The following SBF2 variants were observed in gnomAD, a reference collection of about 807,000 sequenced individuals.
SBF2 encodes myotubularin-related protein 13.
SBF2 carries 112 observed loss-of-function variants against 225.2 expected under a neutral mutation model. That is an observed-to-expected ratio of 0.50 (90% CI 0.43 to 0.58). The LOEUF is 0.58. Ranked by LOEUF, SBF2 falls within the 20% of genes least tolerant of loss-of-function variation. The pLI is 0.00. For synonymous variants in SBF2, 763 were observed against 773.3 expected, an observed-to-expected ratio of 0.99 and a Z score of 0.22; for missense variants, 1,996 against 2,206.2, an observed-to-expected ratio of 0.90 and a Z score of 1.91.
At chr11:10,093,916 C>T (rs963659190) in intron 2 of SBF2, among the ~76,000 whole-genome samples, 2 of 152,136 alleles carry the variant, frequency 1.3e-5, no homozygotes, top group African/African-American at 4.8e-5. Flanking sequence ...TAGACAATCC[C>T]ATTCAGTAAT....
At chr11:10,117,214 G>T (rs761313189) in intron 2 of SBF2, among the ~76,000 whole-genome samples, 1 of 152,124 alleles carries the variant, frequency 6.6e-6, no homozygotes. Flanking sequence ...GCTGAGGCAG[G>T]TGAATCACTT....
intron 2 of SBF2, among the ~76,000 whole-genome samples, chr11:10,142,789 T>A (rs1246288899): frequency 2.6e-5 from 4 of 152,238 alleles, no homozygotes; most frequent in Non-Finnish European, 5.9e-5. Context: ...CATAAACTCG[T>A]AGACTGATTT....
At chr11:10,279,924 C>G (rs1382951928) in intron 1 of SBF2, among the ~76,000 whole-genome samples, 9 of 152,226 alleles carry the variant, frequency 5.9e-5, no homozygotes, top group Admixed American at 5.9e-4. Flanking sequence ...GCTGGGATTA[C>G]AGGCGTGAGC....
intron 8 of SBF2, among the ~76,000 whole-genome samples, chr11:10,000,696 T>A: frequency 6.6e-6 from 1 of 152,202 alleles, no homozygotes; most frequent in East Asian, 1.9e-4. Flanking sequence ...AGAGGGATAT[T>A]TAAAAATATT....
chr11:10,191,137 C>T (rs1200609959), intron 2 of SBF2, among the ~76,000 whole-genome samples: 1 of 152,108 alleles, frequency 6.6e-6, no homozygotes, highest in Non-Finnish European at 1.5e-5. Flanking sequence ...TGTTGTTCCA[C>T]CATTATGGAA....
chr11:10,130,893 C>G (rs952682671), intron 2 of SBF2, among the ~76,000 whole-genome samples: 1 of 152,070 alleles, frequency 6.6e-6, no homozygotes, highest in South Asian at 2.1e-4. Flanking sequence ...TATATTGCTA[C>G]GAGATATACC....
chr11:9,792,734 A>G (rs1852831179), intron 33 of SBF2, among the ~76,000 whole-genome samples: 1 of 148,094 alleles, frequency 6.8e-6, no homozygotes, highest in Non-Finnish European at 1.5e-5. Flanking sequence ...ATGACATTCT[A>G]GGATTCGAAA....
intron 29 of SBF2, 73 bp from the exon 30 acceptor site, chr11:9,812,781 G>C (rs1304852633): frequency 6.7e-7 from 1 of 1,499,294 alleles, no homozygotes; most frequent in Non-Finnish European, 9.2e-7. Context: ...CAATGGGGCA[G>C]TGCATAATGA....
chr11:10,259,949 C>T (rs1301415418), intron 1 of SBF2, among the ~76,000 whole-genome samples: 1 of 152,074 alleles, frequency 6.6e-6, no homozygotes, highest in East Asian at 1.9e-4. Flanking sequence ...CATTTATTAG[C>T]TGATTTTAAC....
chr11:10,147,249 T>C (rs1954933552), intron 2 of SBF2, among the ~76,000 whole-genome samples: 1 of 152,002 alleles, frequency 6.6e-6, no homozygotes, highest in Admixed American at 6.6e-5. Context: ...ACTCGTTCTA[T>C]CATAAAGACA....
chr11:10,107,222 T>C (rs1397387737), intron 2 of SBF2, among the ~76,000 whole-genome samples: 3 of 152,224 alleles, frequency 2.0e-5, no homozygotes, highest in Non-Finnish European at 4.4e-5. Flanking sequence ...CAAATATTCA[T>C]AGTAACTTAA....
rs191587750 is a variant in SBF2, at chr11:9,953,154, T to C, written c.1860+8803A>G. Among the ~76,000 whole-genome samples the C allele has an allele frequency of 3.8e-3, 576 of 152,340 alleles. 2 individuals are homozygous for C. The highest frequency in any genetic ancestry group is 0.027 in the Middle Eastern group (8 of 294). On this transcript the variant is annotated intron_variant, in intron 16 of 39. Coordinates refer to ENST00000256190, the MANE Select transcript of SBF2 (RefSeq NM_030962.4). ...AATCAATGAGTGGATAAAGAAACTGTGGCATATTGGGTTGGGCACAGTGGC... is the reference window on the plus strand; with the variant it reads ...AATCAATGAGTGGATAAAGAAACTGCGGCATATTGGGTTGGGCACAGTGGC...
chr11:10,063,347 T>A (rs1372759522), intron 2 of SBF2, among the ~76,000 whole-genome samples: 1 of 82,542 alleles, frequency 1.2e-5, no homozygotes, highest in Non-Finnish European at 3.1e-5. Flanking sequence ...TATATATATT[T>A]TTTTAATTTT....
At chr11:9,992,656 T>C in intron 11 of SBF2, 113 bp from the exon 12 acceptor site, 1 of 948,200 alleles carries the variant, frequency 1.1e-6, no homozygotes, top group South Asian at 2.0e-5. Context: ...CATGTATAAA[T>C]ATATGCTGTC....
chr11:10,148,769 A>G (rs925109375), intron 2 of SBF2, among the ~76,000 whole-genome samples: 4 of 152,174 alleles, frequency 2.6e-5, no homozygotes, highest in Admixed American at 2.0e-4. Context: ...AATGGAAAAT[A>G]TTCAGTGGTT....
At chr11:9,834,241 T>C (rs1200356561) in intron 26 of SBF2, among the ~76,000 whole-genome samples, 5 of 151,928 alleles carry the variant, frequency 3.3e-5, no homozygotes, top group African/African-American at 1.2e-4. Context: ...TACAGACATG[T>C]GCCACCACAC....
chr11:10,227,462 G>A (rs1384860321), intron 1 of SBF2, among the ~76,000 whole-genome samples: 8 of 151,942 alleles, frequency 5.3e-5, no homozygotes, highest in East Asian at 1.9e-4. Context: ...TAGGTCTAAC[G>A]TTTAAGTCTT....
At chr11:10,027,707 A>G (rs999328802) in intron 6 of SBF2, among the ~76,000 whole-genome samples, 1 of 152,280 alleles carries the variant, frequency 6.6e-6, no homozygotes, top group South Asian at 2.1e-4. Flanking sequence ...TTTAAGTTAT[A>G]TATTTCTTAA....
intron 2 of SBF2, among the ~76,000 whole-genome samples, chr11:10,078,860 C>T (rs1951241932): frequency 6.6e-6 from 1 of 152,054 alleles, no homozygotes; most frequent in Non-Finnish European, 1.5e-5. Flanking sequence ...AACACCACAC[C>T]CTGGCTACTC....
Sources: allele counts gnomAD v4.1 joint callset (sites outside exome capture counted in the v4.1 genomes callset), GRCh38; gene constraint gnomAD v4.1.1; transcripts MANE v1.5; gene names NCBI Gene and HGNC (gene_info 2026-07-23, HGNC 2026-07-21).